The following LEKR1 variants were observed in gnomAD, a reference collection of about 807,000 sequenced individuals.
LEKR1 encodes leucine, glutamate and lysine rich 1, also known as protein LEKR1.
Under a neutral mutation model 72.4 loss-of-function variants are expected in LEKR1, and 59 were observed. The observed-to-expected ratio is 0.82, with a 90% CI of 0.66 to 1.01. The LOEUF (loss-of-function observed/expected upper bound fraction) is 1.01. LEKR1 is among the 50% of genes least tolerant of loss of function. LEKR1 has a pLI of 0.00. For missense variants in LEKR1, 728 were observed against 759.2 expected (o/e 0.96, Z 0.48); for synonymous variants, 257 against 263.2 (o/e 0.98, Z 0.23).
At chr3:156,854,468 G>T (rs1174668647) in intron 3 of LEKR1, among the ~76,000 whole-genome samples, 1 of 151,546 alleles carries the variant, frequency 6.6e-6, no homozygotes, top group African/African-American at 2.4e-5. Flanking sequence ...TAATGATTTG[G>T]TGTATGTCTT....
chr3:156,878,181 G>A (rs1432110609), intron 3 of LEKR1, among the ~76,000 whole-genome samples: 1 of 151,422 alleles, frequency 6.6e-6, no homozygotes, highest in Non-Finnish European at 1.5e-5. Flanking sequence ...GGTTTGGTTT[G>A]TTCCTGTTTC....
chr3:156,947,471 G>C (rs891071311), intron 6 of LEKR1, among the ~76,000 whole-genome samples: 5 of 151,036 alleles, frequency 3.3e-5, no homozygotes, highest in African/African-American at 1.2e-4. Context: ...ATCCTAACTT[G>C]AAAATATTGT....
At chr3:156,851,343 G>A (rs552610474) in intron 2 of LEKR1, among the ~76,000 whole-genome samples, 44 of 152,222 alleles carry the variant, frequency 2.9e-4, no homozygotes, top group African/African-American at 8.9e-4. Context: ...TCAGGGAGGC[G>A]GATTTGTGAT....
intron 6 of LEKR1, among the ~76,000 whole-genome samples, chr3:156,958,106 G>A (rs79138939): frequency 1.1e-4 from 16 of 152,230 alleles, no homozygotes; most frequent in African/African-American, 3.9e-4. Flanking sequence ...AACTAGCGAT[G>A]ACAAGTACCA....
At chr3:156,999,516 G>T (rs1731850210) in intron 9 of LEKR1, among the ~76,000 whole-genome samples, 1 of 151,884 alleles carries the variant, frequency 6.6e-6, no homozygotes, top group South Asian at 2.1e-4. Flanking sequence ...ATCTTATCTT[G>T]CCTTCACGGC....
intron 3 of LEKR1, among the ~76,000 whole-genome samples, chr3:156,864,480 A>C (rs1036978361): frequency 6.6e-6 from 1 of 152,064 alleles, no homozygotes; most frequent in African/African-American, 2.4e-5. Flanking sequence ...CAAATAAACA[A>C]ATGAAATCTT....
intron 10 of LEKR1, among the ~76,000 whole-genome samples, chr3:157,024,237 G>A (rs1206436440): frequency 3.3e-5 from 5 of 152,128 alleles, no homozygotes; most frequent in Non-Finnish European, 7.4e-5. Context: ...CCATCTGTAC[G>A]GACATTACTG....
chr3:156,899,189 T>C (rs1394897682), intron 3 of LEKR1, among the ~76,000 whole-genome samples: 2 of 151,162 alleles, frequency 1.3e-5, no homozygotes, highest in Non-Finnish European at 2.9e-5. Context: ...CAGTACAAAT[T>C]CAAACTTTCA....
At position 157,000,677 on chromosome 3, in the gene LEKR1, G is replaced by A. The variant is rs146533825; in HGVS notation, c.1109+7400G>A. Among the ~76,000 whole-genome samples, 391 of 152,084 alleles carry A rather than the reference G, an allele frequency of 2.6e-3. 4 individuals are homozygous for A. Among genetic ancestry groups the A allele is most frequent in the African/African-American group, 8.8e-3 (367 of 41,498 alleles). On this transcript the variant is annotated intron_variant, in intron 9 of 12. Transcript: ENST00000356539. Reference sequence around the variant, plus strand: ...CTTATTAATTTTTATTCCCTGCACCGGCCATGTAAGATATTCAGTAAATAT... The same window carrying A: ...CTTATTAATTTTTATTCCCTGCACCAGCCATGTAAGATATTCAGTAAATAT...
At chr3:157,009,539 G>T (rs10804776) in intron 9 of LEKR1, among the ~76,000 whole-genome samples, 13,909 of 152,054 alleles carry the variant, frequency 0.091, 701 homozygotes, top group African/African-American at 0.12. Context: ...TGTGTACAAG[G>T]TTCTAGATGT....
chr3:156,989,458 C>A (rs1440992335), intron 7 of LEKR1, among the ~76,000 whole-genome samples: 1 of 152,100 alleles, frequency 6.6e-6, no homozygotes, highest in Admixed American at 6.5e-5. Context: ...GATATGTAAT[C>A]TCAACAGTGT....
intron 7 of LEKR1, among the ~76,000 whole-genome samples, chr3:156,987,049 A>G (rs1730754897): frequency 6.6e-6 from 1 of 151,330 alleles, no homozygotes; most frequent in African/African-American, 2.4e-5. Context: ...ATTGTATTGT[A>G]TTGTATTGTA....
chr3:156,992,607 C>A, intron 7 of LEKR1, 46 bp from the exon 8 acceptor site: 1 of 365,404 alleles, frequency 2.7e-6, no homozygotes, highest in Non-Finnish European at 4.5e-6. Context: ...AAAACATATA[C>A]TTTATTTTGA....
At chr3:156,965,821 A>G (rs1196365071) in intron 6 of LEKR1, among the ~76,000 whole-genome samples, 1 of 152,226 alleles carries the variant, frequency 6.6e-6, no homozygotes, top group Non-Finnish European at 1.5e-5. Context: ...TTTGATATTG[A>G]CACAGTTAAG....
At chr3:156,860,112 C>T (rs141897684) in intron 3 of LEKR1, among the ~76,000 whole-genome samples, 185 of 152,098 alleles carry the variant, frequency 1.2e-3, no homozygotes, top group Admixed American at 2.0e-3. Flanking sequence ...ATGTTATGTT[C>T]GGGGTGTTTC....
intron 3 of LEKR1, among the ~76,000 whole-genome samples, chr3:156,899,361 TACATATATACATATATAC>T (rs1478680107): frequency 1.1e-4 from 14 of 128,250 alleles, no homozygotes; most frequent in Admixed American, 5.1e-4. Flanking sequence ...CATGTATATA[TACATATATACATATATAC>T]ACATATATAC....
intron 6 of LEKR1, among the ~76,000 whole-genome samples, chr3:156,962,675 A>G (rs1171753380): frequency 6.6e-6 from 1 of 152,160 alleles, no homozygotes; most frequent in Non-Finnish European, 1.5e-5. Flanking sequence ...TGTTTTATGT[A>G]TCATCTCCAT....
chr3:156,887,027 TTTATG>T (rs1422048437), intron 3 of LEKR1, among the ~76,000 whole-genome samples: 2 of 152,166 alleles, frequency 1.3e-5, no homozygotes, highest in Non-Finnish European at 2.9e-5. Context: ...TACCTGCCAT[TTTATG>T]TTATATGTCT....
intron 3 of LEKR1, among the ~76,000 whole-genome samples, chr3:156,885,264 T>A (rs1302747734): frequency 6.6e-6 from 1 of 152,236 alleles, no homozygotes; most frequent in Non-Finnish European, 1.5e-5. Context: ...TAATCATCCT[T>A]CTGAATTTTT....
Sources: allele counts gnomAD v4.1 joint callset (sites outside exome capture counted in the v4.1 genomes callset), GRCh38; gene constraint gnomAD v4.1.1; transcripts MANE v1.5; gene names NCBI Gene and HGNC (gene_info 2026-07-23, HGNC 2026-07-21).